Variants in WDPCP observed in about 807,000 individuals in gnomAD.
The protein encoded by WDPCP is WD repeat-containing and planar cell polarity effector protein fritz homolog.
WDPCP carries 71 observed loss-of-function variants against 93.1 expected under a neutral mutation model. The observed-to-expected ratio is 0.76, with a 90% CI of 0.63 to 0.93. The LOEUF (loss-of-function observed/expected upper bound fraction) is 0.93, where lower values mean the gene tolerates loss of function less well. Ranked by LOEUF, WDPCP falls within the 40% of genes least tolerant of loss-of-function variation. The pLI, the probability that WDPCP is intolerant of heterozygous loss-of-function variation, is 0.00. For missense variants in WDPCP, 844 were observed against 887.4 expected (o/e 0.95, Z 0.62); for synonymous variants, 315 against 315.0 (o/e 1.00, Z 0.00).
intron 2 of WDPCP, among the ~76,000 whole-genome samples, chr2:63,755,770 C>T (rs978711620): frequency 5.3e-5 from 8 of 152,286 alleles, no homozygotes; most frequent in Non-Finnish European, 7.4e-5. Flanking sequence ...GCAAAAAATA[C>T]TAATGTCCAT....
chr2:63,372,289 C>T lies in WDPCP; in HGVS notation c.1748+6097G>A, dbSNP rs544656990. Among the ~76,000 whole-genome samples the T allele has an allele frequency of 4.6e-5, 7 of 152,236 alleles. No homozygotes were observed. The East Asian group carries it at 7.7e-4, about 17-fold the overall frequency. ...GCCATAAATAATCCACCCCCATGAT[C>T]CAAATACCTCCTACCAAGCCCCACC... On this transcript the variant is annotated intron_variant, in intron 12 of 17. Coordinates refer to ENST00000272321, the MANE Select transcript of WDPCP (RefSeq NM_015910.7).
intron 3 of WDPCP, among the ~76,000 whole-genome samples, chr2:63,633,872 G>T (rs1439814152): frequency 6.6e-6 from 1 of 152,052 alleles, no homozygotes; most frequent in Non-Finnish European, 1.5e-5. Flanking sequence ...GATCAGCCTG[G>T]CCAACATGGT....
intron 6 of WDPCP, among the ~76,000 whole-genome samples, chr2:63,479,209 C>A (rs1327958589): frequency 6.6e-6 from 1 of 151,438 alleles, no homozygotes; most frequent in Non-Finnish European, 1.5e-5. Context: ...AAACTGCCAA[C>A]AAAAAAAAGT....
At chr2:63,216,617 G>A (rs1367475020) in intron 14 of WDPCP, among the ~76,000 whole-genome samples, 1 of 151,848 alleles carries the variant, frequency 6.6e-6, no homozygotes. Context: ...TAAATGATGA[G>A]TTAATGGGTG....
chr2:63,598,974 T>C (rs1183722933), intron 3 of WDPCP, among the ~76,000 whole-genome samples: 1 of 152,190 alleles, frequency 6.6e-6, no homozygotes, highest in Non-Finnish European at 1.5e-5. Flanking sequence ...CTGATATTAT[T>C]TCAAAATTTT....
chr2:63,338,570 ATATATATATATATATAT>A (rs1163371872), intron 12 of WDPCP, among the ~76,000 whole-genome samples: 7 of 5,318 alleles, frequency 1.3e-3, no homozygotes, highest in African/African-American at 0.012. Context: ...AAAAAAAAAA[ATATATATATATATATAT>A]ATATATATAT....
chr2:63,800,166 A>T (rs913202789), intron 2 of WDPCP, among the ~76,000 whole-genome samples: 2 of 152,168 alleles, frequency 1.3e-5, no homozygotes, highest in Admixed American at 1.3e-4. Context: ...TCCAAATAGG[A>T]TTCACAACTG....
chr2:63,633,643 A>G (rs1272438436), intron 3 of WDPCP, among the ~76,000 whole-genome samples: 1 of 152,228 alleles, frequency 6.6e-6, no homozygotes, highest in African/African-American at 2.4e-5. Context: ...TGGAAAAACC[A>G]TCAAACCACA....
intron 14 of WDPCP, among the ~76,000 whole-genome samples, chr2:63,238,317 T>C (rs1219360168): frequency 1.3e-5 from 2 of 152,138 alleles, no homozygotes; most frequent in Non-Finnish European, 2.9e-5. Context: ...GTTTCCAATA[T>C]GGTAGACACT....
At chr2:63,190,145 A>T (rs1674929553) in intron 14 of WDPCP, among the ~76,000 whole-genome samples, 1 of 152,096 alleles carries the variant, frequency 6.6e-6, no homozygotes, top group African/African-American at 2.4e-5. Context: ...AGTAGAGAAG[A>T]GGCCGGGTGC....
At chr2:63,324,161 C>T (rs564276197) in intron 12 of WDPCP, among the ~76,000 whole-genome samples, 1 of 152,220 alleles carries the variant, frequency 6.6e-6, no homozygotes, top group South Asian at 2.1e-4. Context: ...TGCAGCTTGA[C>T]CTTTTCTGTA....
At chr2:63,830,886 T>G (rs949555929), upstream of WDPCP, among the ~76,000 whole-genome samples, 1 of 152,156 alleles carries the variant, frequency 6.6e-6, no homozygotes, top group Non-Finnish European at 1.5e-5. Context: ...ATGTTGACAA[T>G]TCCTAAATTT....
intron 17 of WDPCP, among the ~76,000 whole-genome samples, chr2:63,131,965 G>T (rs980888826): frequency 9.3e-5 from 14 of 151,342 alleles, no homozygotes; most frequent in African/African-American, 3.2e-4. Context: ...CTCCTGAGTA[G>T]CTGGGATTAC....
intron 17 of WDPCP, among the ~76,000 whole-genome samples, chr2:63,123,402 A>G (rs1311741337): frequency 6.6e-6 from 1 of 152,130 alleles, no homozygotes; most frequent in African/African-American, 2.4e-5. Context: ...TCGTTCAGCC[A>G]TGTTGCTGTT....
rs201820789 is a variant in WDPCP, at chr2:63,188,505, G to GT, written c.1916-13674dup. 1.3e-3 allele frequency among the ~76,000 whole-genome samples: 186 copies of GT among 146,558 alleles called. 2 individuals carry two copies. The East Asian group carries it at 0.02, about 16-fold the overall frequency. On this transcript the variant is annotated intron_variant, in intron 14 of 17. Transcript: ENST00000272321. The stretch of plus-strand genomic sequence containing the variant: ...TTTTTCAGGTCCACAGTTTATTTTT[G>GT]TTTTTTTTTCAAGAGACAGGGTCTT...
rs1455789246 is a variant in WDPCP, at chr2:63,362,600, G to C, written c.1748+15786C>G. On this transcript the variant is annotated intron_variant, in intron 12 of 17. Coordinates refer to ENST00000272321, the MANE Select transcript of WDPCP (RefSeq NM_015910.7). ...GTGTTCCCATAGATTTGAAAAATGA[G>C]CTGGCTCTCTCAGAAATTAATTTAC... Among the ~76,000 whole-genome samples, 4 of 151,942 alleles carry C rather than the reference G, an allele frequency of 2.6e-5. No individual in the cohort carries two copies. In the South Asian group the frequency reaches 6.2e-4, roughly 24 times the overall value.
intron 9 of WDPCP, among the ~76,000 whole-genome samples, chr2:63,425,884 A>G (rs891131620): frequency 2.6e-5 from 4 of 152,240 alleles, no homozygotes; most frequent in African/African-American, 9.6e-5. Flanking sequence ...GAACCCATGC[A>G]AGATACTATA....
chr2:63,179,196 T>C (rs1436110400), intron 14 of WDPCP, among the ~76,000 whole-genome samples: 5 of 129,960 alleles, frequency 3.8e-5, no homozygotes, highest in Admixed American at 7.8e-5. Flanking sequence ...TGAGACCCTG[T>C]CTCGGGGGGA....
At position 63,575,408 on chromosome 2, in the gene WDPCP, CAG is replaced by C. The variant is rs2106504815; in HGVS notation, c.75+12787_75+12788del. The stretch of plus-strand genomic sequence containing the variant: ...ATACACGGTATATACAGTATATATA[CAG>C]TATATACACTGTATACAGTGTATAT... On this transcript the variant is annotated intron_variant, in intron 1 of 17. Coordinates refer to ENST00000272321, the MANE Select transcript of WDPCP (RefSeq NM_015910.7). Among the ~76,000 whole-genome samples the C allele has an allele frequency of 1.6e-5, 2 of 123,190 alleles. 1 individual carries two copies. The highest frequency in any genetic ancestry group is 8.1e-5 in the African/African-American group (2 of 24,590). 80.8% of individuals were successfully genotyped at this position (123,190 alleles called of 152,430 possible).
Sources: allele counts gnomAD v4.1 joint callset (sites outside exome capture counted in the v4.1 genomes callset), GRCh38; gene constraint gnomAD v4.1.1; transcripts MANE v1.5; gene names NCBI Gene and HGNC (gene_info 2026-07-23, HGNC 2026-07-21).